The following SLC52A1 variants were observed in gnomAD, a reference collection of about 807,000 sequenced individuals.
The protein encoded by SLC52A1 is solute carrier family 52, riboflavin transporter, member 1.
Under a neutral mutation model 23.2 loss-of-function variants are expected in SLC52A1, and 20 were observed. The ratio of observed to expected loss-of-function variants is 0.86; its 90% CI spans 0.61 to 1.25. SLC52A1 has a LOEUF of 1.25. Among genes scored for constraint, SLC52A1 ranks in the 50% most tolerant of loss-of-function variants. The pLI is 0.00. For missense variants in SLC52A1, 528 were observed against 557.0 expected (o/e 0.95, Z 0.52); for synonymous variants, 260 against 256.6 (o/e 1.01, Z -0.13).
In SLC52A1 at chr17:5,034,293, T is replaced by C. The variant is rs748537913; in HGVS notation, c.196A>G (p.Thr66Ala). ...ALGNLGLLVV[T>A]LWRQLAPGKG... ...CCCGGGGCCAGCTGCCTCCACAGGG[T>C]CACCACCAGCAGACCCAGGTTTCCC... Residue 66 changes from threonine to alanine, a missense_variant, in exon 3 of 5, where the codon ACC (threonine) becomes GCC (alanine). By Grantham distance (58) the Thr-to-Ala change is moderately conservative (BLOSUM62 0). Coordinates refer to ENST00000254853, the MANE Select transcript of SLC52A1 (RefSeq NM_017986.4). The C allele has an allele frequency of 2.5e-6, 4 of 1,602,898 alleles. No homozygotes were observed. The highest frequency in any genetic ancestry group is 3.4e-5 in the Admixed American group (2 of 58,782).
chr17:5,033,052 C>G lies in SLC52A1; in HGVS notation c.1252G>C (p.Gly418Arg), dbSNP rs1975351086. The G allele has an allele frequency of 1.9e-6, 3 of 1,613,644 alleles. No individual in the cohort carries two copies. The highest frequency in any genetic ancestry group is 1.7e-6 in the Non-Finnish European group (2 of 1,179,974). ...LLAAGVAIQVGSLLGAGAMFP... is the reference protein window; with the variant it reads ...LLAAGVAIQVRSLLGAGAMFP... ...ATGGCACCGGCACCAAGCAGGGAGC[C>G]CACTTGGATGGCCACACCAGCTGCC... The change falls in exon 5 of 5, where the codon GGC becomes CGC. Residue 418 changes from glycine (G) to arginine (R), a missense_variant. Gly to Arg is a moderately radical substitution (Grantham distance 125). Transcript: ENST00000254853.
chr17:5,038,651 A>G (rs762857999), upstream of SLC52A1, among the ~76,000 whole-genome samples: 6 of 151,836 alleles, frequency 4.0e-5, no homozygotes, highest in Non-Finnish European at 7.4e-5. Context: ...CAGTGGCGCA[A>G]TCTCGGCTCA....
intron 1 of SLC52A1, among the ~76,000 whole-genome samples, chr17:5,041,526 G>C (rs1975545339): frequency 6.6e-6 from 1 of 150,974 alleles, no homozygotes; most frequent in Admixed American, 6.6e-5. Flanking sequence ...TGCCCAGGCT[G>C]GGGTGCAATG....
In SLC52A1 at chr17:5,033,904, G is replaced by A; in HGVS notation, c.585C>T (p.Thr195=). The A allele has an allele frequency of 6.2e-7, 1 of 1,614,240 alleles. No individual in the cohort carries two copies. The highest frequency in any genetic ancestry group is 1.1e-5 in the South Asian group (1 of 91,088). ...LDFPERFPAS[T]FFWALTALLV... ...GAAGGGCAGTCAGTGCCCAGAAGAA[G>A]GTGCTGGCAGGAAAACGCTCAGGGA... The change falls in exon 3 of 5, where the codon ACC becomes ACT. Residue 195 remains threonine, a synonymous_variant. Coordinates refer to ENST00000254853, the MANE Select transcript of SLC52A1 (RefSeq NM_017986.4).
intron 1 of SLC52A1, among the ~76,000 whole-genome samples, chr17:5,040,888 T>C (rs931696816): frequency 4.0e-5 from 6 of 151,646 alleles, no homozygotes; most frequent in African/African-American, 9.7e-5. Context: ...CTCTGCCTCC[T>C]GGGTTCACGC....
chr17:5,041,093 C>T (rs953139186), intron 1 of SLC52A1, among the ~76,000 whole-genome samples: 6 of 151,434 alleles, frequency 4.0e-5, no homozygotes, highest in Admixed American at 6.6e-5. Flanking sequence ...CCGTGCCCGG[C>T]CTGTTGTTAT....
At position 5,033,099 on chromosome 17, in the gene SLC52A1, C is replaced by T. The variant is rs1975353868; in HGVS notation, c.1205G>A (p.Gly402Asp). ...TGCCAGCAATGCCGGCCGACCCCCACCATGCAGCAGGGAGCTTGCAGCCAC... is the reference window on the plus strand; with the variant it reads ...TGCCAGCAATGCCGGCCGACCCCCATCATGCAGCAGGGAGCTTGCAGCCAC... ...VKVAASSLLH[G>D]GGRPALLAAG... Residue 402 changes from glycine to aspartate, a missense_variant, in exon 5 of 5, where the codon GGT (glycine) becomes GAT (aspartate). Coordinates refer to ENST00000254853, the MANE Select transcript of SLC52A1 (RefSeq NM_017986.4). The T allele has an allele frequency of 1.2e-6, 2 of 1,613,680 alleles. No homozygotes were observed. The highest frequency in any genetic ancestry group is 1.1e-5 in the South Asian group (1 of 91,096).
upstream of SLC52A1, among the ~76,000 whole-genome samples, chr17:5,038,835 A>T (rs941229675): frequency 6.6e-6 from 1 of 151,550 alleles, no homozygotes; most frequent in African/African-American, 2.4e-5. Flanking sequence ...TGATCCGCCC[A>T]CCTCGGCCTC....
At position 5,034,197 on chromosome 17, in the gene SLC52A1, G is replaced by A. The variant is rs375943631; in HGVS notation, c.292C>T (p.Leu98=). The change falls in exon 3 of 5, where the codon CTG becomes TTG. Residue 98 remains leucine (L), a synonymous_variant. Coordinates refer to ENST00000254853, the MANE Select transcript of SLC52A1 (RefSeq NM_017986.4). ...GCCACTGGGGCCACGTGGTGCCACA[G>A]AGGGGCCAGCAGGGCTGTGCCCACT... is the stretch of plus-strand genomic sequence containing the variant. ...SVVGTALLAP[L]WHHVAPVAGQ... 6 of 1,614,160 alleles carry A rather than the reference G, an allele frequency of 3.7e-6. No individual in the cohort carries two copies. The highest frequency in any genetic ancestry group is 4.2e-6 in the Non-Finnish European group (5 of 1,180,014).
At chr17:5,042,016 G>A (rs1347713142) in intron 1 of SLC52A1, among the ~76,000 whole-genome samples, 5 of 152,190 alleles carry the variant, frequency 3.3e-5, no homozygotes, top group African/African-American at 9.7e-5. Context: ...TATTACAGGC[G>A]TGAGTCACCA....
At chr17:5,037,103 T>C (rs1277277404), upstream of SLC52A1, among the ~76,000 whole-genome samples, 1 of 152,180 alleles carries the variant, frequency 6.6e-6, no homozygotes, top group Non-Finnish European at 1.5e-5. Flanking sequence ...GAGCCATGAT[T>C]GTGCCAATGT....
upstream of SLC52A1, chr17:5,035,529 G>C (rs1412837710): frequency 2.0e-5 from 3 of 152,194 alleles, no homozygotes; most frequent in African/African-American, 7.2e-5. Context: ...CCTGCCTCAG[G>C]GGGGCATCCC....
At chr17:5,039,043 C>A (rs1040950857), upstream of SLC52A1, among the ~76,000 whole-genome samples, 1 of 654 alleles carries the variant, frequency 1.5e-3, no homozygotes. Context: ...TTCAGTCAGC[C>A]GGGCGCGGTG....
intron 1 of SLC52A1, among the ~76,000 whole-genome samples, chr17:5,040,540 C>T (rs914360432): frequency 5.3e-5 from 8 of 152,132 alleles, no homozygotes; most frequent in Non-Finnish European, 8.8e-5. Context: ...GTGGTTTCGA[C>T]ACTACGTGCC....
chr17:5,037,901 T>C, upstream of SLC52A1, among the ~76,000 whole-genome samples: 1 of 127,134 alleles, frequency 7.9e-6, no homozygotes, highest in African/African-American at 3.2e-5. Context: ...TCTGTTTCTT[T>C]CTTTCTTCCT....
At chr17:5,039,893 A>C (rs75539737), upstream of SLC52A1, among the ~76,000 whole-genome samples, 79 of 152,316 alleles carry the variant, frequency 5.2e-4, no homozygotes, top group East Asian at 0.014. Flanking sequence ...AGAGATCACC[A>C]TGTCCTTAGG....
rs757078139 is a variant in SLC52A1, at chr17:5,033,209, C to T, written c.1135-40G>A. The T allele has an allele frequency of 8.7e-6, 14 of 1,612,894 alleles. No homozygotes were observed. The South Asian group carries it at 1.4e-4, about 16-fold the overall frequency. On this transcript the variant is annotated intron_variant, in intron 4 of 4. Transcript: ENST00000254853. Reference sequence around the variant, plus strand: ...ACAGCAGCAGGCTGAGCATGACATGCACTTGCTCCAGGGGACACCCTCCTC... The same window carrying T: ...ACAGCAGCAGGCTGAGCATGACATGTACTTGCTCCAGGGGACACCCTCCTC...
chr17:5,033,087 G>T lies in SLC52A1; in HGVS notation c.1217C>A (p.Pro406Gln), dbSNP rs373765126. 6.2e-7 allele frequency: 1 copy of T among 1,613,608 alleles called. No homozygotes were observed. The highest frequency in any genetic ancestry group is 8.5e-7 in the Non-Finnish European group (1 of 1,180,020). Residue 406 changes from proline (P) to glutamine (Q), a missense_variant, in exon 5 of 5, where the codon CCG (proline) becomes CAG (glutamine). Physicochemically the swap from Pro to Gln is moderately conservative, Grantham distance 76. Transcript: ENST00000254853. ...GGCCACACCAGCTGCCAGCAATGCC[G>T]GCCGACCCCCACCATGCAGCAGGGA... ...ASSLLHGGGR[P>Q]ALLAAGVAIQ...
chr17:5,033,986 C>G lies in SLC52A1; in HGVS notation c.503G>C (p.Gly168Ala). The change falls in exon 3 of 5, where the codon GGC (glycine) becomes GCC (alanine). Residue 168 changes from glycine (G) to alanine (A), a missense_variant. Gly to Ala is a moderately conservative substitution (Grantham distance 60, BLOSUM62 0). Coordinates refer to ENST00000254853, the MANE Select transcript of SLC52A1 (RefSeq NM_017986.4). ...PCVLALVQGVGRLECPPAPTN... is the reference protein window; with the variant it reads ...PCVLALVQGVARLECPPAPTN... ...GGGCGCTGGTGGGCACTCGAGGCGG[C>G]CCACACCTTGCACTAGGGCCAGCAC... 6.2e-7 allele frequency: 1 copy of G among 1,613,986 alleles called. No individual in the cohort carries two copies. The highest frequency in any genetic ancestry group is 8.5e-7 in the Non-Finnish European group (1 of 1,179,926).
Sources: allele counts gnomAD v4.1 joint callset (sites outside exome capture counted in the v4.1 genomes callset), GRCh38; gene constraint gnomAD v4.1.1; transcripts MANE v1.5; gene names NCBI Gene and HGNC (gene_info 2026-07-23, HGNC 2026-07-21).